EYS: variants seen among roughly 807,000 people sequenced by gnomAD.
The protein encoded by EYS is EGF-like photoreceptor maintenance factor, also known as protein eyes shut homolog.
A neutral mutation model predicts 282.1 loss-of-function variants in EYS; 250 were observed. The ratio of observed to expected loss-of-function variants is 0.89; its 90% CI spans 0.80 to 0.98. The LOEUF (loss-of-function observed/expected upper bound fraction) is 0.98. Among genes scored for constraint, EYS ranks in the 50% least tolerant of loss-of-function variants. EYS has a pLI of 0.00. For missense variants in EYS, 4,016 were observed against 3,709.0 expected, an observed-to-expected ratio of 1.08 and a Z score of -2.15; for synonymous variants, 1,355 against 1,282.9, an observed-to-expected ratio of 1.06 and a Z score of -1.20.
intron 2 of EYS, among the ~76,000 whole-genome samples, chr6:65,543,475 G>T (rs982617444): frequency 1.4e-5 from 2 of 147,984 alleles, no homozygotes; most frequent in African/African-American, 4.9e-5. Context: ...AATTATGTGT[G>T]TGTATATATC....
intron 26 of EYS, among the ~76,000 whole-genome samples, chr6:64,514,807 G>A (rs16895415): frequency 0.052 from 7,830 of 151,722 alleles, 680 homozygotes; most frequent in African/African-American, 0.18. Flanking sequence ...TTCAAACTCC[G>A]GATATGTTGA....
chr6:65,331,694 A>C (rs2150311380), intron 11 of EYS: 1 of 980,428 alleles, frequency 1.0e-6, no homozygotes, highest in Non-Finnish European at 1.2e-6. Context: ...TTTTCTTAGT[A>C]AATAAAAAAG....
intron 1 of EYS, among the ~76,000 whole-genome samples, chr6:65,656,365 C>T (rs1039437525): frequency 5.9e-5 from 9 of 151,878 alleles, no homozygotes; most frequent in African/African-American, 2.2e-4. Flanking sequence ...AGCCAGGCCT[C>T]TTGCACCAAA....
intron 12 of EYS, among the ~76,000 whole-genome samples, chr6:65,102,047 T>C (rs1774909326): frequency 6.6e-6 from 1 of 151,300 alleles, no homozygotes; most frequent in Non-Finnish European, 1.5e-5. Flanking sequence ...ACATGAAACA[T>C]GTTTTCTTTC....
chr6:65,599,433 G>T (rs1461844951), intron 2 of EYS, among the ~76,000 whole-genome samples: 1 of 151,888 alleles, frequency 6.6e-6, no homozygotes, highest in African/African-American at 2.4e-5. Context: ...TCTTCATCTT[G>T]CTATCCCAAC....
intron 30 of EYS, among the ~76,000 whole-genome samples, chr6:64,255,133 CATT>C (rs978183902): frequency 5.9e-5 from 9 of 152,104 alleles, no homozygotes; most frequent in Admixed American, 5.9e-4. Flanking sequence ...TTTAAGCCAT[CATT>C]GTTGACCATG....
At chr6:64,288,116 T>C (rs1435808379) in intron 30 of EYS, among the ~76,000 whole-genome samples, 1 of 152,146 alleles carries the variant, frequency 6.6e-6, no homozygotes, top group African/African-American at 2.4e-5. Context: ...ATGCATTTCA[T>C]GGATTGACAA....
At chr6:64,066,269 C>T in intron 33 of EYS, 69 bp downstream of exon 33, 1 of 1,369,446 alleles carries the variant, frequency 7.3e-7, no homozygotes, top group South Asian at 1.3e-5. Flanking sequence ...CAGAGCAAGA[C>T]TCCATCTCAA....
intron 28 of EYS, among the ~76,000 whole-genome samples, chr6:64,417,152 A>G (rs189391694): frequency 1.3e-5 from 2 of 152,370 alleles, no homozygotes; most frequent in Non-Finnish European, 2.9e-5. Context: ...GTGAAAAGCT[A>G]TACACATATA....
chr6:64,543,076 C>A (rs545795874), intron 26 of EYS, among the ~76,000 whole-genome samples: 1 of 152,032 alleles, frequency 6.6e-6, no homozygotes, highest in Non-Finnish European at 1.5e-5. Context: ...TGGCTTTCAC[C>A]GGTCCTTGTC....
At chr6:63,957,231 C>A (rs1487412679) in intron 35 of EYS, among the ~76,000 whole-genome samples, 1 of 123,074 alleles carries the variant, frequency 8.1e-6, no homozygotes, top group East Asian at 2.3e-4. Context: ...AGTGAAATTA[C>A]CAACAAAAAA....
intron 26 of EYS, among the ~76,000 whole-genome samples, chr6:64,476,252 C>T (rs562174266): frequency 3.0e-4 from 45 of 152,204 alleles, no homozygotes; most frequent in Admixed American, 4.6e-4. Context: ...GTTAACTATT[C>T]GCATGTCTGT....
chr6:64,142,232 GAAATT>G (rs1236663878), intron 31 of EYS, among the ~76,000 whole-genome samples: 1 of 152,000 alleles, frequency 6.6e-6, no homozygotes, highest in Non-Finnish European at 1.5e-5. Context: ...AATAATTAAA[GAAATT>G]AAATTATAGT....
intron 22 of EYS, among the ~76,000 whole-genome samples, chr6:64,773,443 G>A (rs547065196): frequency 6.6e-6 from 1 of 151,906 alleles, no homozygotes; most frequent in Middle Eastern, 3.4e-3. Flanking sequence ...GAATATACAT[G>A]TGCATGTGTC....
At chr6:64,242,723 A>T (rs1313369824) in intron 30 of EYS, among the ~76,000 whole-genome samples, 1 of 151,276 alleles carries the variant, frequency 6.6e-6, no homozygotes, top group African/African-American at 2.4e-5. Context: ...TATTTTCAAT[A>T]TTCTATGCCT....
intron 12 of EYS, among the ~76,000 whole-genome samples, chr6:65,212,542 A>G (rs1026286220): frequency 1.3e-5 from 2 of 152,160 alleles, no homozygotes; most frequent in Admixed American, 1.3e-4. Flanking sequence ...ATTGATCTAA[A>G]TTAAATACAA....
intron 31 of EYS, among the ~76,000 whole-genome samples, chr6:64,129,403 T>C: frequency 6.6e-6 from 1 of 152,226 alleles, no homozygotes; most frequent in East Asian, 1.9e-4. Context: ...CATTTTGTCT[T>C]TTGGCTGCAT....
At chr6:63,902,918 A>G (rs1773691554) in intron 35 of EYS, among the ~76,000 whole-genome samples, 1 of 152,194 alleles carries the variant, frequency 6.6e-6, no homozygotes, top group South Asian at 2.1e-4. Flanking sequence ...ATACCAGGGT[A>G]ATTGGCTAAG....
chr6:64,845,049 G>A (rs191995348), intron 19 of EYS, among the ~76,000 whole-genome samples: 7 of 152,208 alleles, frequency 4.6e-5, no homozygotes, highest in Non-Finnish European at 2.9e-5. Context: ...AGCACTTTGG[G>A]AGGCAGAGGC....
Sources: gnomAD v4.1 joint callset for allele counts (sites outside exome capture counted in the v4.1 genomes callset) on GRCh38, gnomAD v4.1.1 for gene constraint, MANE v1.5 for transcripts, NCBI Gene and HGNC (gene_info 2026-07-23, HGNC 2026-07-21) for gene names.